Variants in FBXL7 observed in about 807,000 individuals in gnomAD.
The protein encoded by FBXL7 is F-box/LRR-repeat protein 7.
A neutral mutation model predicts 38.3 loss-of-function variants in FBXL7; 12 were observed. The ratio of observed to expected loss-of-function variants is 0.31; its 90% CI spans 0.20 to 0.51. The LOEUF is 0.51. FBXL7 is among the 20% of genes least tolerant of loss of function. FBXL7 has a pLI of 0.98. For synonymous variants in FBXL7, 297 were observed against 300.9 expected (o/e 0.99, Z 0.13); for missense variants, 567 against 676.4 (o/e 0.84, Z 1.79).
chr5:15,523,500 A>G (rs1005081023), intron 1 of FBXL7, among the ~76,000 whole-genome samples: 24 of 151,896 alleles, frequency 1.6e-4, no homozygotes, highest in African/African-American at 5.8e-4. Flanking sequence ...TGGAGCTTGC[A>G]GTGAGCTGTG....
At chr5:15,712,114 G>C (rs1293570048) in intron 2 of FBXL7, among the ~76,000 whole-genome samples, 1 of 152,170 alleles carries the variant, frequency 6.6e-6, no homozygotes, top group Non-Finnish European at 1.5e-5. Flanking sequence ...CAGATATACA[G>C]AGGGGTTATC....
chr5:15,552,495 T>G (rs539299107), intron 1 of FBXL7, among the ~76,000 whole-genome samples: 1 of 152,314 alleles, frequency 6.6e-6, no homozygotes, highest in East Asian at 1.9e-4. Flanking sequence ...CCTCATATAC[T>G]CAAGATATCA....
intron 1 of FBXL7, among the ~76,000 whole-genome samples, chr5:15,580,129 A>T (rs1739088915): frequency 6.6e-6 from 1 of 152,140 alleles, no homozygotes; most frequent in South Asian, 2.1e-4. Flanking sequence ...TGTAGCCCCC[A>T]TGATGGAATC....
At chr5:15,804,851 C>T (rs182494796) in intron 2 of FBXL7, among the ~76,000 whole-genome samples, 24 of 152,286 alleles carry the variant, frequency 1.6e-4, no homozygotes, top group Non-Finnish European at 2.5e-4. Context: ...TGCACCCTTC[C>T]GCCAAACCGT....
intron 1 of FBXL7, among the ~76,000 whole-genome samples, chr5:15,548,645 C>T (rs1737981248): frequency 6.6e-6 from 1 of 152,088 alleles, no homozygotes; most frequent in African/African-American, 2.4e-5. Context: ...GGTTTATTTG[C>T]CAAAGTTAAG....
Position 15,936,846 on chromosome 5 carries a change from G to A in FBXL7, c.1136G>A (p.Arg379His). ...RYVAKYCSKL[R>H]YLNARGCEGI... is the part of the protein sequence containing the mutation. ...GTGGCCAAGTACTGCAGCAAGCTGC[G>A]CTACCTCAACGCGAGGGGCTGCGAG... Residue 379 changes from arginine (R) to histidine (H), a missense_variant, in exon 4 of 4, where the codon CGC (arginine) becomes CAC (histidine). Physicochemically the swap from Arg to His is conservative, Grantham distance 29. Transcript: ENST00000504595. This position sits in a 1 kb window ranked among gnomAD's most constrained non-coding sequence, Gnocchi z 6.0. 2 of 1,613,708 alleles carry A rather than the reference G, an allele frequency of 1.2e-6. No individual in the cohort carries two copies. Among genetic ancestry groups the A allele is most frequent in the Non-Finnish European group, 1.7e-6 (2 of 1,179,792 alleles).
At chr5:15,767,259 TAA>T (rs200325493) in intron 2 of FBXL7, among the ~76,000 whole-genome samples, 14 of 146,474 alleles carry the variant, frequency 9.6e-5, no homozygotes, top group Middle Eastern at 3.6e-3. Context: ...GAATATGTGA[TAA>T]AAAAAAAAAG....
chr5:15,758,346 C>T (rs1468236247), intron 2 of FBXL7, among the ~76,000 whole-genome samples: 1 of 150,256 alleles, frequency 6.7e-6, no homozygotes, highest in East Asian at 2.0e-4. Context: ...TCAGCAGGTA[C>T]ATGTGCAGGT....
rs144319957 is a variant in FBXL7, at chr5:15,829,674, C to T, written c.128-98216C>T. ...TTTCTTTGCTTTAAAATTCACCACC[C>T]GGCATATAAGTTTGCCTGTCCTCAC... On this transcript the variant is annotated intron_variant, in intron 2 of 3. Transcript: ENST00000504595. Among the ~76,000 whole-genome samples the T allele has an allele frequency of 5.3e-3, 806 of 152,258 alleles. 8 individuals are homozygous for T. Among genetic ancestry groups the T allele is most frequent in the African/African-American group, 0.018 (765 of 41,552 alleles).
intron 1 of FBXL7, among the ~76,000 whole-genome samples, chr5:15,604,060 C>T (rs760720446): frequency 2.0e-5 from 3 of 152,124 alleles, no homozygotes; most frequent in East Asian, 1.9e-4. Flanking sequence ...CATTTGAACT[C>T]GGAAGGCAGA....
chr5:15,845,315 T>C (rs1034124842), intron 2 of FBXL7, among the ~76,000 whole-genome samples: 1 of 152,330 alleles, frequency 6.6e-6, no homozygotes. Flanking sequence ...CAAATACAAC[T>C]TGAATGCATT....
intron 2 of FBXL7, among the ~76,000 whole-genome samples, chr5:15,851,598 A>G (rs1490689938): frequency 6.6e-6 from 1 of 152,148 alleles, no homozygotes; most frequent in African/African-American, 2.4e-5. Flanking sequence ...TCTTAGCATA[A>G]AGTAATTCTC....
At chr5:15,779,600 A>G (rs1423103342) in intron 2 of FBXL7, among the ~76,000 whole-genome samples, 3 of 152,170 alleles carry the variant, frequency 2.0e-5, no homozygotes, top group Admixed American at 6.6e-5. Context: ...ATTGGTTTCC[A>G]TGCCTTTCCG....
intron 2 of FBXL7, among the ~76,000 whole-genome samples, chr5:15,887,981 A>G (rs1347439688): frequency 6.6e-6 from 1 of 152,204 alleles, no homozygotes; most frequent in Middle Eastern, 3.2e-3. Flanking sequence ...TGTGTCTGAC[A>G]TCATAACAGA....
intron 2 of FBXL7, among the ~76,000 whole-genome samples, chr5:15,637,507 G>C (rs1741224861): frequency 1.3e-5 from 2 of 152,222 alleles, no homozygotes; most frequent in South Asian, 4.1e-4. Context: ...AGGAATGACA[G>C]AGCAGCACAA....
chr5:15,786,011 G>A (rs1291218117), intron 2 of FBXL7, among the ~76,000 whole-genome samples: 1 of 152,132 alleles, frequency 6.6e-6, no homozygotes, highest in Non-Finnish European at 1.5e-5. Flanking sequence ...ATCTAATTGG[G>A]CTAGACTGTC....
At chr5:15,717,467 C>G (rs138875215) in intron 2 of FBXL7, among the ~76,000 whole-genome samples, 4 of 152,344 alleles carry the variant, frequency 2.6e-5, no homozygotes. Flanking sequence ...TGTCTGTCTG[C>G]ACCCACTCCA....
At chr5:15,529,204 C>A (rs186665208) in intron 1 of FBXL7, among the ~76,000 whole-genome samples, 1 of 152,188 alleles carries the variant, frequency 6.6e-6, no homozygotes, top group Non-Finnish European at 1.5e-5. Flanking sequence ...TTGCCCTTAA[C>A]ATAATATTCT....
Position 15,644,462 on chromosome 5 carries a change from C to T in FBXL7, c.127+28390C>T, listed in dbSNP as rs768086827. Among the ~76,000 whole-genome samples the T allele has an allele frequency of 7.2e-5, 11 of 151,958 alleles. No homozygotes were observed. In the East Asian group the frequency reaches 9.7e-4, roughly 13 times the overall value. The stretch of plus-strand genomic sequence containing the variant: ...TGCACTCCAGCCTGGGCAACAAGAG[C>T]GAAACTCTGTCTCAAAAAAAATGGT... On this transcript the variant is annotated intron_variant, in intron 2 of 3. Transcript: ENST00000504595.
Sources: allele counts gnomAD v4.1 joint callset (sites outside exome capture counted in the v4.1 genomes callset), GRCh38; gene constraint gnomAD v4.1.1; non-coding constraint Gnocchi (gnomAD v3.1); transcripts MANE v1.5; gene names NCBI Gene and HGNC (gene_info 2026-07-23, HGNC 2026-07-21).